Variants in GRK3 observed in about 807,000 individuals in gnomAD.
The protein encoded by GRK3 is adrenergic, beta, receptor kinase 2.
GRK3 carries 54 observed loss-of-function variants against 95.7 expected under a neutral mutation model. The observed-to-expected ratio is 0.56, with a 90% CI of 0.45 to 0.71. GRK3 has a LOEUF of 0.71. GRK3 is among the 30% of genes least tolerant of loss of function. The probability of loss-of-function intolerance (pLI) is 0.00; values close to 1 mark genes in which losing one functional copy is unlikely to be tolerated. For missense variants in GRK3, 649 were observed against 851.2 expected (o/e 0.76, Z 2.96); for synonymous variants, 281 against 290.8 (o/e 0.97, Z 0.34).
intron 9 of GRK3, among the ~76,000 whole-genome samples, chr22:25,682,713 G>A (rs2085084029): frequency 6.6e-6 from 1 of 152,116 alleles, no homozygotes; most frequent in African/African-American, 2.4e-5. Context: ...TCTAAATAGA[G>A]CTAATAGATC....
At chr22:25,645,311 C>T (rs2084772996) in intron 3 of GRK3, among the ~76,000 whole-genome samples, 1 of 152,198 alleles carries the variant, frequency 6.6e-6, no homozygotes, top group Non-Finnish European at 1.5e-5. Context: ...GGTCTGGTGA[C>T]ATTGGGTATC....
At chr22:25,608,175 G>A (rs2146344196) in intron 2 of GRK3, among the ~76,000 whole-genome samples, 1 of 152,228 alleles carries the variant, frequency 6.6e-6, no homozygotes, top group East Asian at 1.9e-4. Flanking sequence ...TTCTATATAA[G>A]GATGAGGATA....
intron 1 of GRK3, among the ~76,000 whole-genome samples, chr22:25,602,807 T>C (rs1439390235): frequency 6.6e-6 from 1 of 152,160 alleles, no homozygotes; most frequent in Non-Finnish European, 1.5e-5. Context: ...TTCTAGAATA[T>C]GGGGAGATTG....
intron 3 of GRK3, chr22:25,648,855 G>T (rs1417743529): frequency 9.5e-7 from 1 of 1,048,894 alleles, no homozygotes; most frequent in East Asian, 2.4e-5. Flanking sequence ...TTTTGGTTTA[G>T]CAAGGTTAAT....
intron 2 of GRK3, among the ~76,000 whole-genome samples, chr22:25,616,408 A>G (rs562793220): frequency 3.4e-5 from 5 of 147,230 alleles, no homozygotes; most frequent in South Asian, 2.3e-4. Context: ...GAGAGAGAGA[A>G]AGAGAGAGAG....
chr22:25,678,985 T>G, intron 9 of GRK3, 70 bp downstream of exon 9: 1 of 1,094,256 alleles, frequency 9.1e-7, no homozygotes, highest in Non-Finnish European at 1.3e-6. Context: ...GATTTATTAT[T>G]TTTCCTTCTA....
intron 13 of GRK3, among the ~76,000 whole-genome samples, chr22:25,697,756 T>A (rs958201736): frequency 6.6e-6 from 1 of 152,242 alleles, no homozygotes; most frequent in East Asian, 1.9e-4. Context: ...AGGAGGGTTC[T>A]GCCTCATGGA....
chr22:25,603,337 T>G (rs2084422220), intron 1 of GRK3, among the ~76,000 whole-genome samples: 1 of 152,200 alleles, frequency 6.6e-6, no homozygotes, highest in Admixed American at 6.5e-5. Flanking sequence ...ATAATAGAGA[T>G]TCAATTTTCT....
At chr22:25,674,054 C>T in intron 7 of GRK3, among the ~76,000 whole-genome samples, 1 of 152,096 alleles carries the variant, frequency 6.6e-6, no homozygotes, top group East Asian at 1.9e-4. Context: ...TGGATTGTTC[C>T]CAAACATTAG....
intron 2 of GRK3, among the ~76,000 whole-genome samples, chr22:25,609,708 A>G (rs1187633271): frequency 2.0e-5 from 3 of 152,172 alleles, no homozygotes; most frequent in African/African-American, 7.2e-5. Context: ...ATATTATATC[A>G]CATACTGCCA....
intron 2 of GRK3, among the ~76,000 whole-genome samples, chr22:25,610,627 G>A (rs565956994): frequency 3.9e-5 from 6 of 152,154 alleles, no homozygotes; most frequent in Non-Finnish European, 7.4e-5. Flanking sequence ...CCCATTTGTC[G>A]TTACTCTGCT....
intron 2 of GRK3, among the ~76,000 whole-genome samples, chr22:25,639,564 A>G (rs2084727983): frequency 6.6e-6 from 1 of 152,142 alleles, no homozygotes; most frequent in Non-Finnish European, 1.5e-5. Flanking sequence ...TAAGATTAGT[A>G]TGGCTATGTA....
At position 25,682,325 on chromosome 22, in the gene GRK3, C is replaced by G. The variant is rs1011002302; in HGVS notation, c.748-2845C>G. Reference sequence around the variant, plus strand: ...GGAAGGGGCATGGTCCATATGGGACCCATCTGGGTTTGCTAACTGGGACTT... The same window carrying G: ...GGAAGGGGCATGGTCCATATGGGACGCATCTGGGTTTGCTAACTGGGACTT... On this transcript the variant is annotated intron_variant, in intron 9 of 20. Coordinates refer to ENST00000324198, the MANE Select transcript of GRK3 (RefSeq NM_005160.4). Among the ~76,000 whole-genome samples, 3 of 152,114 alleles carry G rather than the reference C, an allele frequency of 2.0e-5. No homozygotes were observed. The East Asian group carries it at 5.8e-4, about 29-fold the overall frequency.
At chr22:25,597,645 C>T (rs1050549436) in intron 1 of GRK3, among the ~76,000 whole-genome samples, 4 of 152,002 alleles carry the variant, frequency 2.6e-5, no homozygotes, top group African/African-American at 2.4e-5. Flanking sequence ...AGAAAGCATA[C>T]CTCTAGATGC....
chr22:25,706,861 C>T (rs769860188), intron 15 of GRK3, among the ~76,000 whole-genome samples: 3 of 152,138 alleles, frequency 2.0e-5, no homozygotes, highest in Non-Finnish European at 4.4e-5. Context: ...CTCACTCTGT[C>T]ACCCAGACTG....
chr22:25,620,192 A>C (rs528527334), intron 2 of GRK3, among the ~76,000 whole-genome samples: 1 of 152,224 alleles, frequency 6.6e-6, no homozygotes, highest in East Asian at 1.9e-4. Flanking sequence ...AGCCAGGTGT[A>C]TATATAGAGA....
intron 12 of GRK3, among the ~76,000 whole-genome samples, chr22:25,694,130 C>T (rs891087305): frequency 2.0e-5 from 3 of 152,158 alleles, no homozygotes; most frequent in African/African-American, 7.2e-5. Context: ...AGATGCAAAT[C>T]CCCAACACGA....
At chr22:25,719,332 C>T (rs750776869) in intron 19 of GRK3, among the ~76,000 whole-genome samples, 3 of 152,168 alleles carry the variant, frequency 2.0e-5, no homozygotes, top group Admixed American at 2.0e-4. Flanking sequence ...GGAAGGGTGA[C>T]TCAGACCAGG....
rs1299222658 is a variant in GRK3, at chr22:25,615,964, C to G, written c.190+11511C>G. The stretch of plus-strand genomic sequence containing the variant: ...GGCAAAGACCCTAAGGCTGGAACCT[C>G]AGGGTTGAGGCACAGCAAGGAGGCC... On this transcript the variant is annotated intron_variant, in intron 2 of 20. Transcript: ENST00000324198. 2.7e-5 allele frequency among the ~76,000 whole-genome samples: 4 copies of G among 148,240 alleles called. 1 individual carries two copies. Among genetic ancestry groups the G allele is most frequent in the African/African-American group, 1.1e-4 (4 of 37,618 alleles).
Sources: gnomAD v4.1 joint callset for allele counts (sites outside exome capture counted in the v4.1 genomes callset) on GRCh38, gnomAD v4.1.1 for gene constraint, MANE v1.5 for transcripts, NCBI Gene and HGNC (gene_info 2026-07-23, HGNC 2026-07-21) for gene names.